Variants in HYCC2 observed in about 807,000 individuals in gnomAD.
The protein encoded by HYCC2 is hyccin PI4KA lipid kinase complex subunit 2.
the HYCC2 span, among the ~76,000 whole-genome samples, chr2:200,991,985 C>T: frequency 6.6e-6 from 1 of 151,910 alleles, no homozygotes; most frequent in South Asian, 2.1e-4. Flanking sequence ...AGTGACTTGT[C>T]CTATCATTTA....
the HYCC2 span, among the ~76,000 whole-genome samples, chr2:201,053,127 T>A: frequency 5.0e-4 from 74 of 146,774 alleles, no homozygotes; most frequent in Admixed American, 1.1e-3. Flanking sequence ...AATCTTAAAA[T>A]TTTTTTTTTT....
the HYCC2 span, among the ~76,000 whole-genome samples, chr2:201,041,112 A>G: frequency 3.3e-5 from 5 of 152,200 alleles, no homozygotes; most frequent in Non-Finnish European, 5.9e-5. Flanking sequence ...TTCTTATCAC[A>G]AGATAAACAT....
At chr2:201,016,770 C>T in the HYCC2 span, among the ~76,000 whole-genome samples, 49,345 of 151,340 alleles carry the variant, frequency 0.33, 10,866 homozygotes, top group African/African-American at 0.63. Context: ...CAGCTAATTT[C>T]TGTATTTTTA....
chr2:201,038,447 T>C, the HYCC2 span, among the ~76,000 whole-genome samples: 1 of 152,204 alleles, frequency 6.6e-6, no homozygotes, highest in Non-Finnish European at 1.5e-5. Flanking sequence ...TTCACATGTA[T>C]GTTTACTGCG....
At chr2:201,049,150 C>T in the HYCC2 span, among the ~76,000 whole-genome samples, 6 of 147,648 alleles carry the variant, frequency 4.1e-5, no homozygotes, top group African/African-American at 1.5e-4. Context: ...AAAACAAAAA[C>T]ATAAAGCAAA....
chr2:201,013,479 CAAAAAAA>C, the HYCC2 span, among the ~76,000 whole-genome samples: 1,093 of 66,324 alleles, frequency 0.016, 8 homozygotes, highest in African/African-American at 0.05. Flanking sequence ...CACTCCATTT[CAAAAAAA>C]AAAAAAAAAA....
the HYCC2 span, among the ~76,000 whole-genome samples, chr2:201,068,543 C>T: frequency 1.3e-5 from 2 of 152,158 alleles, no homozygotes; most frequent in Non-Finnish European, 2.9e-5. Context: ...CACACTCCTC[C>T]CATCCGTAAA....
chr2:200,994,738 T>A, the HYCC2 span, among the ~76,000 whole-genome samples: 2 of 152,116 alleles, frequency 1.3e-5, no homozygotes, highest in Non-Finnish European at 2.9e-5. Context: ...TGGTGACTCA[T>A]GCCTGTAATC....
At chr2:200,992,216 A>AT in the HYCC2 span, 3 of 1,013,322 alleles carry the variant, frequency 3.0e-6, no homozygotes, top group Non-Finnish European at 4.6e-6. Flanking sequence ...ATTGTCTTAC[A>AT]TTTTTAACCT....
chr2:201,046,355 C>A, the HYCC2 span, among the ~76,000 whole-genome samples: 1 of 152,134 alleles, frequency 6.6e-6, no homozygotes, highest in Non-Finnish European at 1.5e-5. Flanking sequence ...TCCACCACAG[C>A]AGCTGACACT....
chr2:201,036,019 G>T, the HYCC2 span, among the ~76,000 whole-genome samples: 1 of 152,058 alleles, frequency 6.6e-6, no homozygotes, highest in Non-Finnish European at 1.5e-5. Flanking sequence ...CCTACTGGGG[G>T]GGTGCCTCCA....
chr2:201,023,003 G>A, the HYCC2 span: 2 of 986,372 alleles, frequency 2.0e-6, no homozygotes, highest in South Asian at 2.8e-5. Context: ...TACACAAATA[G>A]TTCTTGAACA....
the HYCC2 span, among the ~76,000 whole-genome samples, chr2:201,027,033 TTTGAAAGGATCAACAAAA>T: frequency 1.3e-5 from 2 of 152,118 alleles, no homozygotes; most frequent in African/African-American, 4.8e-5. Flanking sequence ...GAGCTGGTTT[TTTGAAAGGATCAACAAAA>T]TTGATAGACT....
At chr2:201,033,890 T>G in the HYCC2 span, among the ~76,000 whole-genome samples, 2 of 152,024 alleles carry the variant, frequency 1.3e-5, no homozygotes. Flanking sequence ...TGATATATAC[T>G]TTATCAGAAT....
chr2:201,021,476 G>T, the HYCC2 span: 8 of 153,506 alleles, frequency 5.2e-5, no homozygotes, highest in African/African-American at 1.9e-4. Context: ...TAATGTAATA[G>T]CTTCTAAAGT....
the HYCC2 span, among the ~76,000 whole-genome samples, chr2:201,033,196 TGAGA>T: frequency 9.0e-4 from 96 of 106,232 alleles, no homozygotes; most frequent in Middle Eastern, 5.4e-3. Flanking sequence ...TGTGTGTGTG[TGAGA>T]GAGAGAGAGA....
the HYCC2 span, among the ~76,000 whole-genome samples, chr2:200,993,669 A>G: frequency 2.0e-5 from 3 of 152,100 alleles, no homozygotes; most frequent in African/African-American, 7.2e-5. Context: ...ACATACAATA[A>G]AAGACCTGCA....
the HYCC2 span, chr2:200,992,371 A>G: frequency 3.8e-6 from 6 of 1,568,762 alleles, no homozygotes; most frequent in South Asian, 2.2e-5. Flanking sequence ...CATTATACCT[A>G]TGAAGAAGCA....
chr2:201,039,779 C>A, the HYCC2 span, among the ~76,000 whole-genome samples: 2 of 152,146 alleles, frequency 1.3e-5, no homozygotes, highest in Non-Finnish European at 1.5e-5. Flanking sequence ...ATGACTACTA[C>A]TACTTCACAA....
Sources: allele counts gnomAD v4.1 joint callset (sites outside exome capture counted in the v4.1 genomes callset), GRCh38; gene constraint gnomAD v4.1.1; transcripts MANE v1.5; gene names NCBI Gene and HGNC (gene_info 2026-07-23, HGNC 2026-07-21).